Variants in SIK2 observed in about 807,000 individuals in gnomAD.
SIK2 encodes salt inducible kinase 2, also known as serine/threonine-protein kinase SIK2.
SIK2 carries 29 observed loss-of-function variants against 103.2 expected under a neutral mutation model. The observed-to-expected ratio is 0.28, with a 90% CI of 0.21 to 0.38. SIK2 has a LOEUF of 0.38. SIK2 is among the 10% of genes least tolerant of loss of function. The pLI, the probability that SIK2 is intolerant of heterozygous loss-of-function variation, is 1.00. For missense variants in SIK2, 879 were observed against 1,171.0 expected, an observed-to-expected ratio of 0.75 and a Z score of 3.64; for synonymous variants, 412 against 446.1, an observed-to-expected ratio of 0.92 and a Z score of 0.96.
intron 7 of SIK2, 112 bp downstream of exon 7, chr11:111,703,535 T>TCAC: frequency 2.4e-6 from 2 of 840,952 alleles, no homozygotes; most frequent in Non-Finnish European, 3.8e-6. Context: ...CTAGGCGTAC[T>TCAC]GTTCAGTGTT....
intron 2 of SIK2, among the ~76,000 whole-genome samples, chr11:111,619,148 T>C (rs1488840122): frequency 6.6e-6 from 1 of 152,248 alleles, no homozygotes; most frequent in African/African-American, 2.4e-5. Flanking sequence ...ATTTGCATAT[T>C]AATTCTATCT....
At chr11:111,712,443 T>G (rs1943526571) in intron 9 of SIK2, 68 bp downstream of exon 9, 2 of 1,507,452 alleles carry the variant, frequency 1.3e-6, no homozygotes, top group South Asian at 1.2e-5. Context: ...TCCACAAGTG[T>G]TGTACTTTGG....
chr11:111,720,918 A>C lies in SIK2; in HGVS notation c.1800A>C (p.Gln600His), dbSNP rs17113207. The C allele has an allele frequency of 1.2e-6, 2 of 1,613,766 alleles. No homozygotes were observed. The highest frequency in any genetic ancestry group is 3.3e-5 in the Admixed American group (2 of 59,918). ...TTTCAGGAATTGTAGCATTTAGACA[A>C]CATCTTCAGAATCTGGCTAGAACCA... The part of the protein sequence containing the change: ...SLTQGIVAFR[Q>H]HLQNLARTKG... The change falls in exon 12 of 15, where the codon CAA becomes CAC. Residue 600 changes from glutamine to histidine, a missense_variant. Transcript: ENST00000304987.
At chr11:111,621,013 G>A (rs1296681981) in intron 3 of SIK2, among the ~76,000 whole-genome samples, 1 of 152,152 alleles carries the variant, frequency 6.6e-6, no homozygotes, top group Non-Finnish European at 1.5e-5. Context: ...TTTACTGTGT[G>A]GAACCAGAGC....
chr11:111,663,049 A>G (rs1362318848), intron 3 of SIK2, among the ~76,000 whole-genome samples: 1 of 152,018 alleles, frequency 6.6e-6, no homozygotes, highest in Non-Finnish European at 1.5e-5. Flanking sequence ...CCTGGGCAAC[A>G]TGGCAAAACC....
intron 7 of SIK2, 110 bp downstream of exon 7, chr11:111,703,533 A>C (rs1166976287): frequency 6.8e-6 from 6 of 884,666 alleles, no homozygotes; most frequent in Non-Finnish European, 1.1e-5. Context: ...GCCTAGGCGT[A>C]CTGTTCAGTG....
chr11:111,657,586 A>G (rs779898391), intron 3 of SIK2, among the ~76,000 whole-genome samples: 11 of 151,982 alleles, frequency 7.2e-5, no homozygotes, highest in Non-Finnish European at 1.5e-4. Context: ...GCTGGGTCTC[A>G]TTATGTTGCC....
chr11:111,693,055 C>T lies in SIK2; in HGVS notation c.478+4893C>T, dbSNP rs184401302. 1.1e-4 allele frequency among the ~76,000 whole-genome samples: 17 copies of T among 152,126 alleles called. No homozygotes were observed. The East Asian group carries it at 1.4e-3, about 12-fold the overall frequency. ...CCGTGGGTAAAAACTTGAGACAGGC[C>T]GGGCGCAGTGGCTCACGCCTGTAAT... On this transcript the variant is annotated intron_variant, in intron 4 of 14. Transcript: ENST00000304987.
At chr11:111,648,947 C>T (rs1335935147) in intron 3 of SIK2, among the ~76,000 whole-genome samples, 1 of 152,230 alleles carries the variant, frequency 6.6e-6, no homozygotes, top group South Asian at 2.1e-4. Flanking sequence ...GCAAGTGTGT[C>T]TTATTGCTGC....
At chr11:111,677,156 G>A (rs1942712957) in intron 3 of SIK2, among the ~76,000 whole-genome samples, 1 of 152,170 alleles carries the variant, frequency 6.6e-6, no homozygotes, top group African/African-American at 2.4e-5. Flanking sequence ...TAACCTGGTA[G>A]TATTAAATGT....
Position 111,612,581 on chromosome 11 carries a change from C to T in SIK2, c.136-3662C>T, listed in dbSNP as rs914190685. ...GAACAGAAGTAATAGGCACCACTTC[C>T]AGCCCTGGCCCATAAAATCACCCAT... is the stretch of plus-strand genomic sequence containing the variant. On this transcript the variant is annotated intron_variant, in intron 1 of 14. Coordinates refer to ENST00000304987, the MANE Select transcript of SIK2 (RefSeq NM_015191.3). Among the ~76,000 whole-genome samples, 159 of 152,102 alleles carry T rather than the reference C, an allele frequency of 1.0e-3. 3 individuals are homozygous for T. Among genetic ancestry groups the T allele is most frequent in the Non-Finnish European group, 3.4e-4 (23 of 68,022 alleles).
chr11:111,719,174 T>C (rs1943729502), intron 9 of SIK2, among the ~76,000 whole-genome samples: 1 of 152,242 alleles, frequency 6.6e-6, no homozygotes, highest in Non-Finnish European at 1.5e-5. Flanking sequence ...TGAATTTTTT[T>C]CAATCCTTTT....
intron 3 of SIK2, among the ~76,000 whole-genome samples, chr11:111,634,091 G>T (rs1293977803): frequency 6.6e-6 from 1 of 152,122 alleles, no homozygotes; most frequent in African/African-American, 2.4e-5. Context: ...GCAGATTCTG[G>T]CCTGGTAATT....
chr11:111,711,756 A>G (rs1418597117), intron 8 of SIK2, among the ~76,000 whole-genome samples: 8 of 152,240 alleles, frequency 5.3e-5, no homozygotes, highest in Admixed American at 5.2e-4. Flanking sequence ...GCAGAGACAC[A>G]GCACTGACTC....
intron 4 of SIK2, among the ~76,000 whole-genome samples, chr11:111,697,000 GT>G (rs2135912823): frequency 6.6e-6 from 1 of 152,250 alleles, no homozygotes; most frequent in African/African-American, 2.4e-5. Flanking sequence ...TTATTTTTAA[GT>G]GTCTTTTGCT....
At chr11:111,658,681 C>T (rs1237221307) in intron 3 of SIK2, among the ~76,000 whole-genome samples, 1 of 151,798 alleles carries the variant, frequency 6.6e-6, no homozygotes, top group Non-Finnish European at 1.5e-5. Context: ...ATCAAGGATG[C>T]AGTGAGCCAT....
intron 3 of SIK2, among the ~76,000 whole-genome samples, chr11:111,670,245 C>T (rs769421289): frequency 1.5e-4 from 23 of 152,156 alleles, no homozygotes; most frequent in Non-Finnish European, 3.2e-4. Context: ...ATGGGGATGT[C>T]CATATTTGAT....
Position 111,725,089 on chromosome 11 carries a change from G to A in SIK2, c.*960G>A, listed in dbSNP as rs1310614841. ...GTAGTTTATTGAGCTTTGTATATTT[G>A]GACAGTTTCATATAGGGCTTAGAGA... On this transcript the variant is annotated 3_prime_UTR_variant, in exon 15 of 15. Coordinates refer to ENST00000304987, the MANE Select transcript of SIK2 (RefSeq NM_015191.3). 1 of 152,594 alleles carries A rather than the reference G, an allele frequency of 6.6e-6. No homozygotes were observed. Among genetic ancestry groups the A allele is most frequent in the African/African-American group, 2.4e-5 (1 of 41,426 alleles). 9.5% of individuals were successfully genotyped at this position (152,594 alleles called of 1,614,324 possible).
At chr11:111,694,801 ATTT>A (rs931298319) in intron 4 of SIK2, among the ~76,000 whole-genome samples, 1 of 151,266 alleles carries the variant, frequency 6.6e-6, no homozygotes, top group African/African-American at 2.4e-5. Flanking sequence ...GTTTGATTTG[ATTT>A]TTTTTTCCCT....
Sources: gnomAD v4.1 joint callset for allele counts (sites outside exome capture counted in the v4.1 genomes callset) on GRCh38, gnomAD v4.1.1 for gene constraint, MANE v1.5 for transcripts, NCBI Gene and HGNC (gene_info 2026-07-23, HGNC 2026-07-21) for gene names.